FSIP1: variants seen among roughly 807,000 people sequenced by gnomAD.
FSIP1 encodes fibrous sheath-interacting protein 1.
A neutral mutation model predicts 60.9 loss-of-function variants in FSIP1; 65 were observed. The observed-to-expected ratio is 1.07, with a 90% CI of 0.87 to 1.31. FSIP1 has a LOEUF of 1.31. Among genes scored for constraint, FSIP1 ranks in the 40% most tolerant of loss-of-function variants. The probability of loss-of-function intolerance (pLI) is 0.00; values close to 1 mark genes in which losing one functional copy is unlikely to be tolerated. For synonymous variants in FSIP1, 209 were observed against 221.2 expected (o/e 0.94, Z 0.49); for missense variants, 675 against 665.5 (o/e 1.01, Z -0.16).
At chr15:39,614,766 G>A (rs1891164603) in intron 11 of FSIP1, among the ~76,000 whole-genome samples, 1 of 151,880 alleles carries the variant, frequency 6.6e-6, no homozygotes, top group Non-Finnish European at 1.5e-5. Context: ...AAAATCCAAT[G>A]TCATTTTCAC....
chr15:39,699,385 T>C (rs1475523804), intron 10 of FSIP1, among the ~76,000 whole-genome samples: 3 of 152,206 alleles, frequency 2.0e-5, no homozygotes, highest in Non-Finnish European at 4.4e-5. Context: ...TAATGTTGGA[T>C]ACAAAGTTGG....
intron 2 of FSIP1, among the ~76,000 whole-genome samples, chr15:39,774,107 TTCTCCCCA>T: frequency 6.6e-6 from 1 of 152,322 alleles, no homozygotes; most frequent in South Asian, 2.1e-4. Flanking sequence ...AAGTTAGAAA[TTCTCCCCA>T]AATTAATCTG....
rs533325073 is a variant in FSIP1, at chr15:39,704,580, C to G, written c.1188+8864G>C. On this transcript the variant is annotated intron_variant, in intron 10 of 11. Coordinates refer to ENST00000350221, the MANE Select transcript of FSIP1 (RefSeq NM_152597.5). Reference sequence around the variant, plus strand: ...CAGGCTGAGGTGTCAGAAGAGTTGGCCTTCTGATTATTTCTGAAAAATCAT... The same window carrying G: ...CAGGCTGAGGTGTCAGAAGAGTTGGGCTTCTGATTATTTCTGAAAAATCAT... 3.5e-3 allele frequency among the ~76,000 whole-genome samples: 531 copies of G among 152,222 alleles called. 3 individuals are homozygous for G. The highest frequency in any genetic ancestry group is 0.012 in the African/African-American group (507 of 41,524).
At chr15:39,629,439 C>G (rs1254484673) in intron 10 of FSIP1, among the ~76,000 whole-genome samples, 1 of 152,150 alleles carries the variant, frequency 6.6e-6, no homozygotes, top group Admixed American at 6.5e-5. Flanking sequence ...AGTCAGGGCA[C>G]CAGGTGAGTC....
chr15:39,711,875 C>T (rs944655868), intron 10 of FSIP1, among the ~76,000 whole-genome samples: 12 of 151,578 alleles, frequency 7.9e-5, no homozygotes, highest in Non-Finnish European at 1.3e-4. Context: ...TTAGTGGATA[C>T]GGGGTTTCAC....
intron 10 of FSIP1, among the ~76,000 whole-genome samples, chr15:39,639,739 C>T (rs570877013): frequency 6.6e-6 from 1 of 152,182 alleles, no homozygotes; most frequent in South Asian, 2.1e-4. Context: ...GTTGAGTATC[C>T]AGTAGCACAC....
chr15:39,636,298 A>C (rs1348699750), intron 10 of FSIP1, among the ~76,000 whole-genome samples: 1 of 152,222 alleles, frequency 6.6e-6, no homozygotes, highest in African/African-American at 2.4e-5. Flanking sequence ...TTTGACCTAA[A>C]ACTTTCAAAA....
At chr15:39,744,372 A>T (rs1204706361) in intron 5 of FSIP1, among the ~76,000 whole-genome samples, 1 of 152,230 alleles carries the variant, frequency 6.6e-6, no homozygotes, top group Non-Finnish European at 1.5e-5. Context: ...AAAGAGGAAG[A>T]TTGCAGGATG....
At chr15:39,674,452 T>C (rs2411307) in intron 10 of FSIP1, among the ~76,000 whole-genome samples, 100,270 of 151,980 alleles carry the variant, frequency 0.66, 33,949 homozygotes, top group Non-Finnish European at 0.76. Flanking sequence ...CAAGATACTT[T>C]TGAAAACGAA....
At chr15:39,768,355 A>C (rs935664871) in intron 3 of FSIP1, among the ~76,000 whole-genome samples, 11 of 152,250 alleles carry the variant, frequency 7.2e-5, no homozygotes, top group South Asian at 2.1e-4. Flanking sequence ...AAAATAGTTT[A>C]ACTTTTCTTA....
intron 8 of FSIP1, among the ~76,000 whole-genome samples, chr15:39,728,731 A>T (rs531630238): frequency 4.3e-4 from 65 of 152,370 alleles, no homozygotes; most frequent in African/African-American, 1.4e-3. Flanking sequence ...AGATGCCAAA[A>T]GCAATCGCAA....
chr15:39,671,592 A>G (rs1018135717), intron 10 of FSIP1, among the ~76,000 whole-genome samples: 17 of 152,146 alleles, frequency 1.1e-4, no homozygotes, highest in African/African-American at 3.6e-4. Context: ...CAAGGGAGTA[A>G]GTTTATTTTT....
chr15:39,779,013 T>C (rs952923520), intron 1 of FSIP1, among the ~76,000 whole-genome samples: 10 of 152,088 alleles, frequency 6.6e-5, no homozygotes, highest in Non-Finnish European at 1.5e-4. Flanking sequence ...GGCTACGTAA[T>C]AGTTAATGCT....
intron 10 of FSIP1, among the ~76,000 whole-genome samples, chr15:39,660,177 G>A (rs192577655): frequency 7.9e-5 from 12 of 152,274 alleles, no homozygotes; most frequent in South Asian, 2.1e-4. Context: ...ACTGTTGCCC[G>A]TAGTTTCAAC....
intron 10 of FSIP1, among the ~76,000 whole-genome samples, chr15:39,644,330 C>T (rs756934785): frequency 1.2e-4 from 18 of 152,128 alleles, no homozygotes; most frequent in African/African-American, 3.1e-4. Context: ...GCATTTAAAA[C>T]GGCTGTTCCT....
At chr15:39,776,197 A>AGAGGGAGAGAGAGGGAGG (rs1555400057) in intron 2 of FSIP1, among the ~76,000 whole-genome samples, 7 of 30,698 alleles carry the variant, frequency 2.3e-4, no homozygotes, top group African/African-American at 6.0e-4. Context: ...GGGAGGAGAG[A>AGAGGGAGAGAGAGGGAGG]GAGGGAGGGA....
Position 39,769,648 on chromosome 15 carries a change from G to T in FSIP1, c.310+779C>A, listed in dbSNP as rs143880133. Among the ~76,000 whole-genome samples, 645 of 152,300 alleles carry T rather than the reference G, an allele frequency of 4.2e-3. 4 individuals carry two copies. Among genetic ancestry groups the T allele is most frequent in the Non-Finnish European group, 5.3e-3 (362 of 68,022 alleles). Reference sequence around the variant, plus strand: ...CCCATTTTTCCCCACAGGATGTTAAGAAGATGCATATTTAAGGGTCAAAAT... The same window carrying T: ...CCCATTTTTCCCCACAGGATGTTAATAAGATGCATATTTAAGGGTCAAAAT... On this transcript the variant is annotated intron_variant, in intron 3 of 11. Transcript: ENST00000350221.
chr15:39,762,430 C>T (rs1011949104), intron 5 of FSIP1, among the ~76,000 whole-genome samples: 2 of 152,196 alleles, frequency 1.3e-5, no homozygotes, highest in African/African-American at 4.8e-5. Flanking sequence ...AAGGCCCACC[C>T]TAATCCAATA....
At chr15:39,713,040 C>G (rs1385259955) in intron 10 of FSIP1, among the ~76,000 whole-genome samples, 1 of 152,106 alleles carries the variant, frequency 6.6e-6, no homozygotes. Context: ...CACATAGTAT[C>G]TTACACACTA....
Sources: gnomAD v4.1 joint callset for allele counts (sites outside exome capture counted in the v4.1 genomes callset) on GRCh38, gnomAD v4.1.1 for gene constraint, MANE v1.5 for transcripts, NCBI Gene and HGNC (gene_info 2026-07-23, HGNC 2026-07-21) for gene names.